RPTOR: variants seen among roughly 807,000 people sequenced by gnomAD.
RPTOR encodes regulatory associated protein of MTOR complex 1.
Under a neutral mutation model 169.9 loss-of-function variants are expected in RPTOR, and 21 were observed. That is an observed-to-expected ratio of 0.12 (90% CI 0.09 to 0.18). The LOEUF (loss-of-function observed/expected upper bound fraction) is 0.18. Ranked by LOEUF, RPTOR falls within the 10% of genes least tolerant of loss-of-function variation. RPTOR has a pLI of 1.00. For missense variants in RPTOR, 1,133 were observed against 1,855.9 expected, an observed-to-expected ratio of 0.61 and a Z score of 7.16; for synonymous variants, 732 against 753.2, an observed-to-expected ratio of 0.97 and a Z score of 0.46.
intron 13 of RPTOR, among the ~76,000 whole-genome samples, chr17:80,875,057 G>A (rs1359079890): frequency 6.6e-6 from 1 of 152,174 alleles, no homozygotes; most frequent in Non-Finnish European, 1.5e-5. Flanking sequence ...GCCTCCTTAT[G>A]CCTTCCCCGT....
intron 4 of RPTOR, among the ~76,000 whole-genome samples, chr17:80,710,497 G>A (rs1336470439): frequency 6.6e-6 from 1 of 151,882 alleles, no homozygotes; most frequent in Non-Finnish European, 1.5e-5. Context: ...ATCGAATTAA[G>A]AAAGTACAAT....
At chr17:80,951,037 A>G (rs2069169598) in intron 28 of RPTOR, among the ~76,000 whole-genome samples, 1 of 152,032 alleles carries the variant, frequency 6.6e-6, no homozygotes, top group Admixed American at 6.5e-5. Flanking sequence ...ACCCGTGGCT[A>G]GCCCCGGGGT....
chr17:80,841,998 C>G (rs866271528), intron 10 of RPTOR, among the ~76,000 whole-genome samples: 6 of 115,550 alleles, frequency 5.2e-5, no homozygotes, highest in African/African-American at 9.9e-5. Context: ...CACTCTCACC[C>G]CACCGCAGCT....
intron 1 of RPTOR, among the ~76,000 whole-genome samples, chr17:80,595,795 AG>A (rs1239786754): frequency 2.0e-5 from 3 of 152,188 alleles, no homozygotes; most frequent in East Asian, 1.9e-4. Context: ...GCCCTTTGTC[AG>A]GGGGGTGGGG....
At chr17:80,631,754 T>A (rs754593070) in intron 2 of RPTOR, among the ~76,000 whole-genome samples, 1 of 152,108 alleles carries the variant, frequency 6.6e-6, no homozygotes, top group Non-Finnish European at 1.5e-5. Flanking sequence ...AGACCATGTC[T>A]CTACAACAAA....
At chr17:80,687,138 G>A (rs536759625) in intron 3 of RPTOR, among the ~76,000 whole-genome samples, 2 of 152,316 alleles carry the variant, frequency 1.3e-5, no homozygotes, top group East Asian at 1.9e-4. Flanking sequence ...AATGGCCAGC[G>A]CCTACACTGC....
chr17:80,579,170 TTTTATTTATTTATTTG>T (rs963066873), intron 1 of RPTOR, among the ~76,000 whole-genome samples: 1 of 152,148 alleles, frequency 6.6e-6, no homozygotes, highest in African/African-American at 2.4e-5. Flanking sequence ...CTTCCTGATC[TTTTATTTATTTATTTG>T]TTTATTTATT....
intron 11 of RPTOR, among the ~76,000 whole-genome samples, 172 bp from the exon 12 acceptor site, chr17:80,855,292 G>A (rs1017852102): frequency 5.3e-5 from 8 of 152,240 alleles, no homozygotes; most frequent in Non-Finnish European, 8.8e-5. Context: ...TTCTTCACCT[G>A]TCTAAAAGCA....
At chr17:80,743,556 G>A in intron 5 of RPTOR, 1 of 540,092 alleles carries the variant, frequency 1.9e-6, no homozygotes, top group Non-Finnish European at 2.4e-6. Context: ...TGGGAAAGGT[G>A]CCTGCGTGGG....
At chr17:80,694,964 C>T (rs2066024175) in intron 3 of RPTOR, among the ~76,000 whole-genome samples, 1 of 152,202 alleles carries the variant, frequency 6.6e-6, no homozygotes, top group Admixed American at 6.5e-5. Context: ...GGTGAGGGTG[C>T]TCCCCAGAAG....
At chr17:80,766,561 T>G (rs78062534) in intron 6 of RPTOR, among the ~76,000 whole-genome samples, 2,084 of 152,332 alleles carry the variant, frequency 0.014, 52 homozygotes, top group African/African-American at 0.048. Flanking sequence ...TCCAGAAGCA[T>G]CTTACAATAA....
chr17:80,901,057 G>A (rs972991694), intron 20 of RPTOR, among the ~76,000 whole-genome samples: 8 of 152,244 alleles, frequency 5.3e-5, no homozygotes, highest in African/African-American at 1.9e-4. Flanking sequence ...TGCTGTGCGC[G>A]TGCCATGCCT....
intron 3 of RPTOR, among the ~76,000 whole-genome samples, chr17:80,665,153 C>T (rs1157728811): frequency 1.3e-5 from 2 of 152,056 alleles, no homozygotes; most frequent in Non-Finnish European, 2.9e-5. Flanking sequence ...CCTGCTGTCT[C>T]TGGTTTTTAC....
At chr17:80,567,460 T>C (rs2064856186) in intron 1 of RPTOR, among the ~76,000 whole-genome samples, 1 of 152,048 alleles carries the variant, frequency 6.6e-6, no homozygotes, top group Admixed American at 6.5e-5. Context: ...ACATTTTATT[T>C]CCACACATTT....
rs912175257 is a variant in RPTOR, at chr17:80,637,575, A to G, written c.266-6153A>G. On this transcript the variant is annotated intron_variant, in intron 2 of 33. Coordinates refer to ENST00000306801, the MANE Select transcript of RPTOR (RefSeq NM_020761.3). ...CATTAAATACTACAACAGTAATACT[A>G]AAAACAATCCTGCTGAAGAGCTGCG... is the stretch of plus-strand genomic sequence containing the variant. Among the ~76,000 whole-genome samples the G allele has an allele frequency of 3.9e-5, 6 of 152,328 alleles. No individual in the cohort carries two copies. The South Asian group carries it at 1.2e-3, about 32-fold the overall frequency.
chr17:80,670,936 G>A (rs940228662), intron 3 of RPTOR, among the ~76,000 whole-genome samples: 2 of 152,116 alleles, frequency 1.3e-5, no homozygotes, highest in Non-Finnish European at 2.9e-5. Flanking sequence ...TCTCTGTGGT[G>A]GAGCTGGGTT....
chr17:80,917,180 T>G (rs534051857), intron 21 of RPTOR, among the ~76,000 whole-genome samples: 2 of 151,418 alleles, frequency 1.3e-5, no homozygotes, highest in Admixed American at 6.6e-5. Flanking sequence ...TGGCGCGATC[T>G]CAGCTCACTG....
chr17:80,778,010 T>C (rs2143443292), intron 6 of RPTOR, among the ~76,000 whole-genome samples: 1 of 152,340 alleles, frequency 6.6e-6, no homozygotes, highest in East Asian at 1.9e-4. Context: ...TTATGCAGTT[T>C]ATCAAATGGG....
chr17:80,945,406 C>T (rs1028910119), intron 25 of RPTOR, among the ~76,000 whole-genome samples: 3 of 152,088 alleles, frequency 2.0e-5, no homozygotes, highest in Admixed American at 2.0e-4. Flanking sequence ...TCCTGTCTAA[C>T]ACGGTGAAAC....
Sources: allele counts gnomAD v4.1 joint callset (sites outside exome capture counted in the v4.1 genomes callset), GRCh38; gene constraint gnomAD v4.1.1; transcripts MANE v1.5; gene names NCBI Gene and HGNC (gene_info 2026-07-23, HGNC 2026-07-21).